SON: variants seen among roughly 807,000 people sequenced by gnomAD.
SON encodes the protein SON DNA and RNA binding protein.
Under a neutral mutation model 173.3 loss-of-function variants are expected in SON, and 4 were observed. The ratio of observed to expected loss-of-function variants is 0.02; its 90% CI spans 0.01 to 0.05. The LOEUF (loss-of-function observed/expected upper bound fraction) is 0.05. Ranked by LOEUF, SON falls within the 10% of genes least tolerant of loss-of-function variation. The probability of loss-of-function intolerance (pLI) is 1.00; values close to 1 mark genes in which losing one functional copy is unlikely to be tolerated. For missense variants in SON, 2,626 were observed against 3,055.3 expected, an observed-to-expected ratio of 0.86 and a Z score of 3.31; for synonymous variants, 1,190 against 1,105.9, an observed-to-expected ratio of 1.08 and a Z score of -1.51.
In SON at chr21:33,552,166, A is replaced by G; in HGVS notation, c.2935A>G (p.Ile979Val). Residue 979 changes from isoleucine (I) to valine (V), a missense_variant, in exon 3 of 12, where the codon ATA (isoleucine) becomes GTA (valine). Ile to Val is a conservative substitution (Grantham distance 29). Transcript: ENST00000356577. This position sits in a 1 kb window ranked among gnomAD's most constrained non-coding sequence, Gnocchi z 5.6. ...PYRIAPRSYR[I>V]APRPYRLAPR... ...CAGGATAGCACCCAGGTCCTATAGAATAGCACCCAGGCCATATAGGTTAGC... is the reference window on the plus strand; with the variant it reads ...CAGGATAGCACCCAGGTCCTATAGAGTAGCACCCAGGCCATATAGGTTAGC... The G allele has an allele frequency of 6.2e-7, 1 of 1,614,096 alleles. No individual in the cohort carries two copies. The highest frequency in any genetic ancestry group is 1.1e-5 in the South Asian group (1 of 91,076).
intron 6 of SON, chr21:33,560,745 G>C: frequency 2.5e-6 from 1 of 394,494 alleles, no homozygotes; most frequent in Non-Finnish European, 3.4e-6. Context: ...AATTACTATA[G>C]ATTAGTTGTC....
chr21:33,554,784 A>T lies in SON; in HGVS notation c.5553A>T (p.Ser1851=). 6.2e-7 allele frequency: 1 copy of T among 1,613,950 alleles called. No individual in the cohort carries two copies. Among genetic ancestry groups the T allele is most frequent in the Non-Finnish European group, 8.5e-7 (1 of 1,180,042 alleles). ...CTCGTTCTAGGGCAAGAAAGAGATCATCTAAGTCCAAGTCTCATCGCTCTC... is the reference window on the plus strand; with the variant it reads ...CTCGTTCTAGGGCAAGAAAGAGATCTTCTAAGTCCAAGTCTCATCGCTCTC... ...SESRSRARKR[S]SKSKSHRSQT... The change falls in exon 3 of 12, where the codon TCA becomes TCT. Residue 1851 remains serine, a synonymous_variant. Coordinates refer to ENST00000356577, the MANE Select transcript of SON (RefSeq NM_138927.4).
intron 6 of SON, chr21:33,560,283 TTG>T: frequency 7.0e-7 from 1 of 1,434,904 alleles, no homozygotes; most frequent in Non-Finnish European, 9.1e-7. Context: ...TTTCTCTGGG[TTG>T]TTTGTCAGAT....
At chr21:33,567,429 G>C in intron 7 of SON, 162 bp downstream of exon 7, 1 of 596,276 alleles carries the variant, frequency 1.7e-6, no homozygotes, top group Non-Finnish European at 3.1e-6. Flanking sequence ...AGTGATTCGA[G>C]GCCTGATCAT....
rs754186918 is a variant in SON, at chr21:33,552,423, C to G, written c.3192C>G (p.Arg1064=). The part of the protein sequence containing the change: ...AERSMMSAYE[R]SMMSAYERSM... ...GCTCTATGATGTCAGCTTATGAACG[C>G]TCCATGATGTCAGCTTATGAACGCT... The change falls in exon 3 of 12, where the codon CGC becomes CGG. Residue 1064 remains arginine (R), a synonymous_variant. Coordinates refer to ENST00000356577, the MANE Select transcript of SON (RefSeq NM_138927.4). This position sits in a 1 kb window ranked among gnomAD's most constrained non-coding sequence, Gnocchi z 5.6. 1 of 1,613,828 alleles carries G rather than the reference C, an allele frequency of 6.2e-7. No individual in the cohort carries two copies. The highest frequency in any genetic ancestry group is 1.1e-5 in the South Asian group (1 of 91,060).
Position 33,549,620 on chromosome 21 carries a change from A to C in SON, c.389A>C (p.Lys130Thr). The change falls in exon 3 of 12, where the codon AAA becomes ACA. Residue 130 changes from lysine to threonine, a missense_variant. Coordinates refer to ENST00000356577, the MANE Select transcript of SON (RefSeq NM_138927.4). The part of the protein sequence containing the change: ...KKKKEKEKKY[K>T]RQPEESESKT... ...AAGAAAGAAAAGGAAAAAAAATATA[A>C]AAGACAGCCAGAAGAATCTGAGTCA... 1 of 1,602,270 alleles carries C rather than the reference A, an allele frequency of 6.2e-7. No individual in the cohort carries two copies. Among genetic ancestry groups the C allele is most frequent in the Non-Finnish European group, 8.5e-7 (1 of 1,176,958 alleles).
chr21:33,543,818 G>T (rs908705432), intron 1 of SON, among the ~76,000 whole-genome samples: 2 of 152,194 alleles, frequency 1.3e-5, no homozygotes, highest in African/African-American at 4.8e-5. Context: ...AAATGGTTGC[G>T]ATTAATTACA....
At chr21:33,567,059 A>G in intron 6 of SON, 98 bp from the exon 7 acceptor site, 1 of 614,076 alleles carries the variant, frequency 1.6e-6, no homozygotes, top group Non-Finnish European at 2.9e-6. Flanking sequence ...TAAGACTATT[A>G]TTTTGTTTTT....
chr21:33,554,907 A>G lies in SON; in HGVS notation c.5676A>G (p.Lys1892=), dbSNP rs1258552960. ...GATCTGTATCAAAAGAGAAGCGCAA[A>G]AGATCTCCAAAGCACAGATCCAAGT... ...GRRSVSKEKR[K]RSPKHRSKSR... is the part of the protein sequence containing the mutation. Residue 1892 remains lysine, a synonymous_variant, in exon 3 of 12, where the codon AAA becomes AAG. Transcript: ENST00000356577. The G allele has an allele frequency of 1.2e-6, 2 of 1,614,170 alleles. No individual in the cohort carries two copies. Among genetic ancestry groups the G allele is most frequent in the African/African-American group, 1.3e-5 (1 of 75,056 alleles).
In SON at chr21:33,555,399, A is replaced by G. The variant is rs937944586; in HGVS notation, c.6160+8A>G. The G allele has an allele frequency of 6.7e-7, 1 of 1,502,410 alleles. No individual in the cohort carries two copies. Among genetic ancestry groups the G allele is most frequent in the African/African-American group, 1.4e-5 (1 of 69,954 alleles). 93.1% of individuals were successfully genotyped at this position (1,502,410 alleles called of 1,614,324 possible). On this transcript the variant is annotated splice_region_variant and intron_variant, in intron 3 of 11. Transcript: ENST00000356577. ...AACGTCTGACAGATTTGGGTGAGTCATTTTAAAGTTTAATGGGATGGTAGT... is the reference window on the plus strand; with the variant it reads ...AACGTCTGACAGATTTGGGTGAGTCGTTTTAAAGTTTAATGGGATGGTAGT...
Position 33,549,588 on chromosome 21 carries a change from GAAA to G in SON, c.360_362del (p.Lys123del). The G allele has an allele frequency of 6.3e-7, 1 of 1,588,218 alleles. No homozygotes were observed. The highest frequency in any genetic ancestry group is 8.5e-7 in the Non-Finnish European group (1 of 1,172,770). On this transcript the variant is annotated inframe_deletion, in exon 3 of 12. Transcript: ENST00000356577. ...ATAAAAAGCACAAAAACAAAAAGAAGAAAAAGAAGAAAGAAAAGGAAAAAAAAT... is the reference window on the plus strand; with the variant it reads ...ATAAAAAGCACAAAAACAAAAAGAAGAAGAAGAAAGAAAAGGAAAAAAAAT...
chr21:33,562,215 T>C (rs1356633859), intron 6 of SON, among the ~76,000 whole-genome samples: 1 of 152,218 alleles, frequency 6.6e-6, no homozygotes, highest in African/African-American at 2.4e-5. Flanking sequence ...TTATTATTTA[T>C]ACAATTAGTG....
intron 4 of SON, 176 bp downstream of exon 4, chr21:33,557,492 G>T: frequency 6.4e-7 from 1 of 1,550,914 alleles, no homozygotes; most frequent in Non-Finnish European, 8.7e-7. Context: ...CCATTATCCG[G>T]GATGGCTAAG....
intron 2 of SON, among the ~76,000 whole-genome samples, chr21:33,547,950 C>G (rs1205687311): frequency 6.6e-6 from 1 of 151,540 alleles, no homozygotes; most frequent in Admixed American, 6.6e-5. Context: ...GTCTTGATCT[C>G]CTGGCCTCGT....
rs771702333 is a variant in SON at position 33,543,161 on chromosome 21, G to A, written c.69G>A (p.Glu23=). The change falls in exon 1 of 12, where the codon GAG becomes GAA. Residue 23 remains glutamate, a synonymous_variant. Coordinates refer to ENST00000356577, the MANE Select transcript of SON (RefSeq NM_138927.4). ...VVSKFREIQQ[E]LSSGRNEGQL... Reference sequence around the variant, plus strand: ...GTAAATTCCGGGAAATTCAACAGGAGCTTTCCAGGTAAACGCCTCCCAGAT... The same window carrying A: ...GTAAATTCCGGGAAATTCAACAGGAACTTTCCAGGTAAACGCCTCCCAGAT... 1 of 1,613,926 alleles carries A rather than the reference G, an allele frequency of 6.2e-7. No homozygotes were observed. The highest frequency in any genetic ancestry group is 1.6e-4 in the Middle Eastern group (1 of 6,062).
At chr21:33,543,342 C>G (rs1207464548) in intron 1 of SON, 173 bp downstream of exon 1, 1 of 629,748 alleles carries the variant, frequency 1.6e-6, no homozygotes, top group Admixed American at 2.8e-5. Flanking sequence ...CCAGCCGCTC[C>G]CTTCCTTTTC....
Position 33,553,243 on chromosome 21 carries a change from G to A in SON, c.4012G>A (p.Val1338Met). 1 of 1,614,148 alleles carries A rather than the reference G, an allele frequency of 6.2e-7. No homozygotes were observed. The highest frequency in any genetic ancestry group is 1.3e-5 in the African/African-American group (1 of 75,056). ...GTTGGTTCCAGCAGTAACTACTCCA[G>A]TGCTGGCAGAGAGCATTCTGGAGCC... is the stretch of plus-strand genomic sequence containing the variant. ...SLLVPAVTTP[V>M]LAESILEPPA... The change falls in exon 3 of 12, where the codon GTG becomes ATG. Residue 1338 changes from valine to methionine, a missense_variant. Physicochemically the swap from Val to Met is conservative, Grantham distance 21 (BLOSUM62 1). Around this residue, in one of 13 missense-constraint regions of SON, gnomAD observed 1,006 missense variants for 895.6 expected, o/e 1.12. Transcript: ENST00000356577.
chr21:33,546,588 T>A, intron 2 of SON: 1 of 343,208 alleles, frequency 2.9e-6, no homozygotes, highest in Non-Finnish European at 5.3e-6. Context: ...CAGACCAACC[T>A]GGTCAACATG....
intron 1 of SON, among the ~76,000 whole-genome samples, chr21:33,543,909 G>T (rs1261733368): frequency 6.6e-6 from 1 of 152,208 alleles, no homozygotes; most frequent in Admixed American, 6.5e-5. Flanking sequence ...TTTTGTCATT[G>T]CTGGTAGACT....
Sources: allele counts gnomAD v4.1 joint callset (sites outside exome capture counted in the v4.1 genomes callset), GRCh38; gene constraint gnomAD v4.1.1; regional missense constraint gnomAD v4.1.1; non-coding constraint Gnocchi (gnomAD v3.1); transcripts MANE v1.5; gene names NCBI Gene and HGNC (gene_info 2026-07-23, HGNC 2026-07-21).